The following ZNF248 variants were observed in gnomAD, a reference collection of about 807,000 sequenced individuals.
ZNF248 encodes zinc finger protein 248, also known as KRAB protein domain.
In ZNF248, 20 loss-of-function variants were observed where a neutral mutation model predicts 44.3. The ratio of observed to expected loss-of-function variants is 0.45; its 90% CI spans 0.32 to 0.66. The LOEUF (loss-of-function observed/expected upper bound fraction) is 0.66, where lower values mean the gene tolerates loss of function less well. Ranked by LOEUF, ZNF248 falls within the 30% of genes least tolerant of loss-of-function variation. The probability of loss-of-function intolerance (pLI) is 0.04; values close to 1 mark genes in which losing one functional copy is unlikely to be tolerated. For missense variants in ZNF248, 654 were observed against 677.0 expected (o/e 0.97, Z 0.38); for synonymous variants, 224 against 229.0 (o/e 0.98, Z 0.20).
chr10:37,790,157 A>G (rs11594707), intron 6 of ZNF248, among the ~76,000 whole-genome samples: 9,032 of 151,312 alleles, frequency 0.06, 347 homozygotes, highest in Middle Eastern at 0.097. Flanking sequence ...TGCAGTCCCA[A>G]CTACTCGGCA....
chr10:37,790,982 G>A (rs532549524), intron 6 of ZNF248, among the ~76,000 whole-genome samples: 2 of 138,470 alleles, frequency 1.4e-5, no homozygotes, highest in African/African-American at 2.6e-5. Flanking sequence ...CAACAGTCAA[G>A]TTCCCACCTT....
chr10:37,818,125 C>A (rs189344353), intron 6 of ZNF248, among the ~76,000 whole-genome samples: 2 of 151,962 alleles, frequency 1.3e-5, no homozygotes, highest in Non-Finnish European at 2.9e-5. Context: ...ACTGTGTTAG[C>A]CAGGATGGTC....
rs775792718 is a variant in ZNF248 at position 37,833,065 on chromosome 10, T to C, written c.290A>G (p.Asp97Gly). 5 of 1,610,424 alleles carry C rather than the reference T, an allele frequency of 3.1e-6. No individual in the cohort carries two copies. The highest frequency in any genetic ancestry group is 4.2e-6 in the Non-Finnish European group (5 of 1,178,854). Residue 97 changes from aspartate to glycine, a missense_variant, in exon 6 of 6, where the codon GAT (aspartate) becomes GGT (glycine). Transcript: ENST00000395867. ...GAATAGAAGCTCCCAAAAATGGTCA[T>C]CTTCATTTTCCTGGCTGCTCTCTAA... ...DVLESSQENE[D>G]DHFWELLFHN...
At chr10:37,838,219 C>T (rs1405409480) in intron 3 of ZNF248, 108 bp from the exon 4 acceptor site, 3 of 988,446 alleles carry the variant, frequency 3.0e-6, no homozygotes, top group African/African-American at 3.2e-5. Flanking sequence ...CAGGTTACCT[C>T]CCTCTGTGCT....
chr10:37,769,881 C>G, the ZNF248 span, among the ~76,000 whole-genome samples: 1 of 152,170 alleles, frequency 6.6e-6, no homozygotes, highest in Non-Finnish European at 1.5e-5. Context: ...ACCCCATTGT[C>G]TCAGCCCAAA....
At chr10:37,845,655 T>A (rs923599975) in intron 3 of ZNF248, among the ~76,000 whole-genome samples, 1 of 151,456 alleles carries the variant, frequency 6.6e-6, no homozygotes, top group Non-Finnish European at 1.5e-5. Flanking sequence ...ATAAGAAACA[T>A]CAAAGGGAAT....
rs1215774341 is a variant in ZNF248, at chr10:37,831,322, T to C, written c.*293A>G. The C allele has an allele frequency of 1.3e-6, 2 of 1,549,348 alleles. No homozygotes were observed. The highest frequency in any genetic ancestry group is 1.7e-6 in the Non-Finnish European group (2 of 1,146,176). The stretch of plus-strand genomic sequence containing the variant: ...TAAGCTTCAGATTCCACTGTGAATA[T>C]GGGTATAAATAAATATTGTCCATTA... On this transcript the variant is annotated 3_prime_UTR_variant, in exon 6 of 6. Transcript: ENST00000395867.
At chr10:37,835,310 A>G (rs2056904152) in intron 5 of ZNF248, among the ~76,000 whole-genome samples, 1 of 152,156 alleles carries the variant, frequency 6.6e-6, no homozygotes, top group Admixed American at 6.6e-5. Flanking sequence ...ACTGGTGGGA[A>G]ATATTAACAG....
intron 6 of ZNF248, among the ~76,000 whole-genome samples, chr10:37,815,853 C>T (rs1190056513): frequency 1.3e-5 from 2 of 152,020 alleles, no homozygotes; most frequent in Non-Finnish European, 2.9e-5. Flanking sequence ...AAAGATTAGA[C>T]TGAGATGTAA....
intron 3 of ZNF248, among the ~76,000 whole-genome samples, chr10:37,851,545 CATGTATATATGAAACATACTTGTTAAT>C (rs1234497018): frequency 6.6e-6 from 1 of 151,924 alleles, no homozygotes; most frequent in African/African-American, 2.4e-5. Flanking sequence ...GGGTGTCCCC[CATGTATATATGAAACATACTTGTTAAT>C]AAACTTGCTT....
At chr10:37,800,766 CT>C (rs60341570) in intron 6 of ZNF248, among the ~76,000 whole-genome samples, 29,411 of 144,632 alleles carry the variant, frequency 0.2, 2,971 homozygotes, top group Middle Eastern at 0.28. Context: ...AACATTTTTT[CT>C]TTTTTTTTTT....
chr10:37,768,630 A>G, the ZNF248 span, among the ~76,000 whole-genome samples: 2 of 152,234 alleles, frequency 1.3e-5, no homozygotes, highest in African/African-American at 2.4e-5. Flanking sequence ...CAGTGTGTAG[A>G]GGGAAATTTA....
At chr10:37,820,386 A>G in intron 6 of ZNF248, 1 of 1,484,292 alleles carries the variant, frequency 6.7e-7, no homozygotes, top group Non-Finnish European at 9.4e-7. Context: ...TTTTGTTAGC[A>G]TTGCTGACAT....
intron 3 of ZNF248, among the ~76,000 whole-genome samples, chr10:37,840,180 A>G (rs1346258735): frequency 2.0e-5 from 3 of 152,244 alleles, no homozygotes; most frequent in Non-Finnish European, 4.4e-5. Context: ...TCACAGAGAG[A>G]AATTTATAAC....
chr10:37,834,533 T>C (rs1589676662), intron 5 of ZNF248, among the ~76,000 whole-genome samples: 1 of 152,106 alleles, frequency 6.6e-6, no homozygotes, highest in South Asian at 2.1e-4. Context: ...AAAGTAATTA[T>C]CAAAATACCC....
chr10:37,822,021 A>G (rs2053547918), intron 6 of ZNF248, among the ~76,000 whole-genome samples: 1 of 152,084 alleles, frequency 6.6e-6, no homozygotes, highest in Non-Finnish European at 1.5e-5. Flanking sequence ...AGACAACATA[A>G]GCCCCCCATA....
At chr10:37,759,800 C>T in the ZNF248 span, among the ~76,000 whole-genome samples, 1 of 152,262 alleles carries the variant, frequency 6.6e-6, no homozygotes, top group Admixed American at 6.5e-5. Flanking sequence ...ACACATAACC[C>T]CAAATTGTGG....
At chr10:37,843,423 CAAAAAAAA>C (rs530114229) in intron 3 of ZNF248, among the ~76,000 whole-genome samples, 1 of 69,332 alleles carries the variant, frequency 1.4e-5, no homozygotes, top group Admixed American at 1.7e-4. Context: ...GACTCTGCCT[CAAAAAAAA>C]AAAAAAAAGA....
At position 37,820,519 on chromosome 10, in the gene ZNF248, T is replaced by A. The variant is rs540062496; in HGVS notation, c.330+12506A>T. On this transcript the variant is annotated intron_variant, in intron 6 of 6. Coordinates refer to the ZNF248 transcript ENST00000615949. ...TGGATAAGGAATGTTGCGGTGAGGA[T>A]CGTGCAACTGGTGCAACACTTCTGC... 26 of 1,601,740 alleles carry A rather than the reference T, an allele frequency of 1.6e-5. No homozygotes were observed. The Admixed American group carries it at 4.2e-4, about 26-fold the overall frequency.
Sources: gnomAD v4.1 joint callset for allele counts (sites outside exome capture counted in the v4.1 genomes callset) on GRCh38, gnomAD v4.1.1 for gene constraint, MANE v1.5 for transcripts, NCBI Gene and HGNC (gene_info 2026-07-23, HGNC 2026-07-21) for gene names.